MCUB: variants seen among roughly 807,000 people sequenced by gnomAD.
MCUB encodes the protein calcium uniporter regulatory subunit MCUb, mitochondrial.
A neutral mutation model predicts 41.4 loss-of-function variants in MCUB; 46 were observed. The ratio of observed to expected loss-of-function variants is 1.11; its 90% confidence interval spans 0.88 to 1.42. The LOEUF is 1.42. Ranked by LOEUF, MCUB falls within the 40% of genes most tolerant of loss-of-function variation. MCUB has a pLI of 0.00. For synonymous variants in MCUB, 148 were observed against 148.2 expected (o/e 1.00, Z 0.01); for missense variants, 403 against 404.9 (o/e 1.00, Z 0.04).
chr4:109,684,040 G>A (rs1729775841), intron 5 of MCUB, among the ~76,000 whole-genome samples: 1 of 151,370 alleles, frequency 6.6e-6, no homozygotes. Context: ...ATGCAGATGT[G>A]CATTTGTTCA....
chr4:109,667,524 A>G (rs1729370021), intron 4 of MCUB, among the ~76,000 whole-genome samples: 1 of 151,160 alleles, frequency 6.6e-6, no homozygotes, highest in Non-Finnish European at 1.5e-5. Flanking sequence ...ATTTTTTCCA[A>G]AGAACTAGCT....
At chr4:109,675,712 G>C (rs901050502) in intron 4 of MCUB, among the ~76,000 whole-genome samples, 4 of 152,196 alleles carry the variant, frequency 2.6e-5, no homozygotes, top group Admixed American at 2.6e-4. Context: ...GGCTCATGGG[G>C]GCACTGCCCT....
At chr4:109,637,855 T>C (rs1728628265) in intron 1 of MCUB, among the ~76,000 whole-genome samples, 1 of 152,206 alleles carries the variant, frequency 6.6e-6, no homozygotes, top group Non-Finnish European at 1.5e-5. Context: ...AACTAATTCA[T>C]GTAACCAAAT....
At chr4:109,680,634 C>T (rs1409057574) in intron 4 of MCUB, among the ~76,000 whole-genome samples, 1 of 152,120 alleles carries the variant, frequency 6.6e-6, no homozygotes, top group African/African-American at 2.4e-5. Context: ...TAGCTTTCAC[C>T]CCTCTGTGGC....
intron 1 of MCUB, among the ~76,000 whole-genome samples, chr4:109,651,859 A>T (rs374716017): frequency 6.6e-6 from 1 of 152,210 alleles, no homozygotes. Flanking sequence ...TCTTACCCCA[A>T]CTGGGCTCCA....
intron 3 of MCUB, among the ~76,000 whole-genome samples, chr4:109,662,418 T>C (rs1334892424): frequency 6.6e-6 from 1 of 152,194 alleles, no homozygotes; most frequent in Non-Finnish European, 1.5e-5. Context: ...CAATTAGTAT[T>C]GAAGTGAATG....
At chr4:109,659,142 A>G (rs1729171023) in intron 2 of MCUB, 56 bp downstream of exon 2, 4 of 1,015,700 alleles carry the variant, frequency 3.9e-6, no homozygotes, top group Middle Eastern at 4.5e-4. Context: ...CTTTCTTCCA[A>G]ATAAAGAGCT....
At chr4:109,566,995 C>T (rs1367890318) in intron 1 of MCUB, among the ~76,000 whole-genome samples, 1 of 151,980 alleles carries the variant, frequency 6.6e-6, no homozygotes, top group African/African-American at 2.4e-5. Context: ...CACCTATAAT[C>T]CCAGCTACTT....
chr4:109,651,375 A>G (rs1489570288), intron 1 of MCUB, among the ~76,000 whole-genome samples: 1 of 152,160 alleles, frequency 6.6e-6, no homozygotes, highest in African/African-American at 2.4e-5. Context: ...GTCCTTATCC[A>G]TGCCCAGCCC....
rs767249830 is a variant in MCUB, at chr4:109,685,259, T to A, written c.825T>A (p.Thr275=). ...AYFIVTRQDY[T]YSAVKSRQFL... The stretch of plus-strand genomic sequence containing the variant: ...CTCTCTTTTTTTTTAAGGATTATAC[T>A]TACTCAGCTGTTAAGAGTAGGCAAT... Residue 275 remains threonine (T), a synonymous_variant, in exon 7 of 8, where the codon ACT becomes ACA. Transcript: ENST00000394650. 2 of 1,349,182 alleles carry A rather than the reference T, an allele frequency of 1.5e-6. No individual in the cohort carries two copies. The highest frequency in any genetic ancestry group is 2.1e-6 in the Non-Finnish European group (2 of 941,790). 83.6% of individuals were successfully genotyped at this position (1,349,182 alleles called of 1,614,324 possible).
intron 1 of MCUB, among the ~76,000 whole-genome samples, chr4:109,582,306 T>C (rs1433135585): frequency 7.1e-6 from 1 of 140,730 alleles, no homozygotes; most frequent in Non-Finnish European, 1.5e-5. Flanking sequence ...ATGTTCTCAC[T>C]CATAGGTGGG....
intron 1 of MCUB, among the ~76,000 whole-genome samples, chr4:109,596,946 G>A (rs1561221285): frequency 6.6e-6 from 1 of 151,882 alleles, no homozygotes; most frequent in African/African-American, 2.4e-5. Flanking sequence ...TAACAAGCAT[G>A]CTGCCTTCAA....
intron 1 of MCUB, among the ~76,000 whole-genome samples, chr4:109,618,880 C>G (rs138812545): frequency 0.018 from 2,739 of 151,492 alleles, 44 homozygotes; most frequent in Non-Finnish European, 0.031. Flanking sequence ...TTAGAAGATG[C>G]ATTTATTACC....
At chr4:109,590,295 T>A (rs888245692) in intron 1 of MCUB, among the ~76,000 whole-genome samples, 2 of 152,238 alleles carry the variant, frequency 1.3e-5, no homozygotes, top group Admixed American at 1.3e-4. Flanking sequence ...GTCATTGCTC[T>A]ATAATTGGCT....
At chr4:109,654,503 C>T (rs1024046894) in intron 1 of MCUB, among the ~76,000 whole-genome samples, 3 of 151,770 alleles carry the variant, frequency 2.0e-5, no homozygotes, top group Non-Finnish European at 2.9e-5. Context: ...CCCAGCTACT[C>T]GAGAGGGTGA....
chr4:109,562,603 TA>T lies in MCUB; in HGVS notation c.99+2168del, dbSNP rs573887296. On this transcript the variant is annotated intron_variant, in intron 1 of 7. Transcript: ENST00000394650. The stretch of plus-strand genomic sequence containing the variant: ...GGTAAAGGCAAGTATTATTTCTATT[TA>T]TTTTTTTTCCCAGAAACATTCAGAC... 2.5e-3 allele frequency among the ~76,000 whole-genome samples: 374 copies of T among 152,320 alleles called. 1 individual carries two copies. Among genetic ancestry groups the T allele is most frequent in the African/African-American group, 8.3e-3 (346 of 41,576 alleles).
chr4:109,643,592 C>T (rs1467590788), intron 1 of MCUB, among the ~76,000 whole-genome samples: 1 of 151,954 alleles, frequency 6.6e-6, no homozygotes, highest in East Asian at 1.9e-4. Flanking sequence ...GCAACCTCCG[C>T]CTCCCACATT....
At chr4:109,647,831 A>G (rs1344386267) in intron 1 of MCUB, among the ~76,000 whole-genome samples, 1 of 152,150 alleles carries the variant, frequency 6.6e-6, no homozygotes, top group African/African-American at 2.4e-5. Context: ...GGGATGTAGA[A>G]CTGCACCTGG....
At chr4:109,659,764 G>A (rs1037760830) in intron 2 of MCUB, among the ~76,000 whole-genome samples, 1 of 152,118 alleles carries the variant, frequency 6.6e-6, no homozygotes, top group African/African-American at 2.4e-5. Flanking sequence ...TGAAGCCATC[G>A]TCCCAGCTCA....
Sources: allele counts gnomAD v4.1 joint callset (sites outside exome capture counted in the v4.1 genomes callset), GRCh38; gene constraint gnomAD v4.1.1; transcripts MANE v1.5; gene names NCBI Gene and HGNC (gene_info 2026-07-23, HGNC 2026-07-21).